CASTOR2: variants seen among roughly 807,000 people sequenced by gnomAD.
The protein encoded by CASTOR2 is GATS protein like 2.
In CASTOR2, 8 loss-of-function variants were observed where a neutral mutation model predicts 31.2. The observed-to-expected ratio is 0.26, with a 90% CI of 0.15 to 0.46. The LOEUF (loss-of-function observed/expected upper bound fraction) is 0.46. CASTOR2 is among the 20% of genes least tolerant of loss of function. The pLI, the probability that CASTOR2 is intolerant of heterozygous loss-of-function variation, is 0.99. For missense variants in CASTOR2, 216 were observed against 382.1 expected, an observed-to-expected ratio of 0.57 and a Z score of 3.62; for synonymous variants, 162 against 158.7, an observed-to-expected ratio of 1.02 and a Z score of -0.16.
intron 1 of CASTOR2, among the ~76,000 whole-genome samples, chr7:74,986,998 A>G: frequency 6.6e-6 from 1 of 152,200 alleles, no homozygotes; most frequent in East Asian, 1.9e-4. Flanking sequence ...TGAGGCTGGC[A>G]GTGCACTCCA....
chr7:75,020,531 C>T (rs1284892326), intron 6 of CASTOR2, among the ~76,000 whole-genome samples: 2 of 151,388 alleles, frequency 1.3e-5, no homozygotes, highest in African/African-American at 4.9e-5. Flanking sequence ...CGCTCTGTCG[C>T]CCAGGCTGGA....
chr7:74,983,686 T>C (rs1473573594), intron 1 of CASTOR2, among the ~76,000 whole-genome samples: 1 of 151,350 alleles, frequency 6.6e-6, no homozygotes, highest in Non-Finnish European at 1.5e-5. Context: ...GTGATTCCCA[T>C]GGCACCATGG....
Position 75,024,774 on chromosome 7 carries a change from T to C in CASTOR2, c.*75T>C. On this transcript the variant is annotated 3_prime_UTR_variant, in exon 9 of 9. Coordinates refer to ENST00000616305, the MANE Select transcript of CASTOR2 (RefSeq NM_001145064.3). ...CTGAAGATTGATCTTGCAGTATTTC[T>C]CTACAGACTGGAAAATCAGCCTGGG... is the stretch of plus-strand genomic sequence containing the variant. 6.4e-7 allele frequency: 1 copy of C among 1,551,272 alleles called. No homozygotes were observed. The highest frequency in any genetic ancestry group is 8.7e-7 in the Non-Finnish European group (1 of 1,146,822).
Position 75,024,077 on chromosome 7 carries a change from C to T in CASTOR2, c.830-363C>T, listed in dbSNP as rs972612677. ...TGGAGGTGGGTGGATCATTTGAGTA[C>T]AGCAGTTCGATACCAGCCTGGCCAA... On this transcript the variant is annotated intron_variant, in intron 7 of 8. Transcript: ENST00000616305. Among the ~76,000 whole-genome samples the T allele has an allele frequency of 2.6e-3, 389 of 152,202 alleles. 1 individual carries two copies. Among genetic ancestry groups the T allele is most frequent in the African/African-American group, 8.4e-3 (348 of 41,532 alleles).
At position 75,031,234 on chromosome 7, in the gene CASTOR2, G is replaced by A. The variant is rs1037682170; in HGVS notation, c.*6535G>A. Among the ~76,000 whole-genome samples, 60 of 152,188 alleles carry A rather than the reference G, an allele frequency of 3.9e-4. No homozygotes were observed. The highest frequency in any genetic ancestry group is 3.4e-3 in the Middle Eastern group (1 of 294). ...TGCCCTGCCCAGAGCCCCCACCATC[G>A]TAGTGGGGGCAGGGGACTTCCTGCC... is the stretch of plus-strand genomic sequence containing the variant. On this transcript the variant is annotated 3_prime_UTR_variant, in exon 9 of 9. Transcript: ENST00000616305.
chr7:75,028,133 T>C lies in CASTOR2; in HGVS notation c.*3434T>C. The C allele has an allele frequency of 6.9e-6, 10 of 1,447,264 alleles. No individual in the cohort carries two copies. Among genetic ancestry groups the C allele is most frequent in the Non-Finnish European group, 8.2e-6 (9 of 1,095,736 alleles). The allele number at this position is 1,447,264 out of a possible 1,614,324, so 89.7% of individuals were successfully genotyped here. A position where few individuals can be genotyped will look rare whatever the true frequency, so the allele number is the denominator to read the frequency against. ...GATGTGGAATTTTTTTTTTTTTTTT[T>C]TTGAGACGGAGTCTTGCTCTGTCGC... On this transcript the variant is annotated 3_prime_UTR_variant, in exon 9 of 9. Coordinates refer to ENST00000616305, the MANE Select transcript of CASTOR2 (RefSeq NM_001145064.3).
chr7:74,974,867 CT>C (rs1803764732), intron 1 of CASTOR2, among the ~76,000 whole-genome samples: 1 of 134,864 alleles, frequency 7.4e-6, no homozygotes, highest in African/African-American at 2.9e-5. Flanking sequence ...CGGCCTGAAT[CT>C]TTCTTGATCA....
chr7:74,983,654 G>C (rs1803997250), intron 1 of CASTOR2, among the ~76,000 whole-genome samples: 1 of 151,592 alleles, frequency 6.6e-6, no homozygotes, highest in East Asian at 1.9e-4. Context: ...GTGCTTGAGT[G>C]AGGCACACTT....
chr7:74,994,251 G>A (rs1208301929), intron 1 of CASTOR2, among the ~76,000 whole-genome samples: 7 of 152,260 alleles, frequency 4.6e-5, no homozygotes, highest in Non-Finnish European at 7.3e-5. Flanking sequence ...GGTGGTGGGG[G>A]GAACAATGGA....
intron 2 of CASTOR2, among the ~76,000 whole-genome samples, chr7:75,012,741 C>T (rs1172624450): frequency 4.6e-5 from 7 of 151,846 alleles, no homozygotes; most frequent in Non-Finnish European, 8.8e-5. Flanking sequence ...TGGGTTCAAG[C>T]GATTCTCCTG....
At chr7:75,017,890 T>C (rs1804902792) in intron 3 of CASTOR2, 99 bp downstream of exon 3, 1 of 1,613,442 alleles carries the variant, frequency 6.2e-7, no homozygotes, top group Non-Finnish European at 8.5e-7. Flanking sequence ...TTCCACGCTA[T>C]TCCAGGGTGG....
At chr7:75,010,794 C>CT (rs1473048970) in intron 2 of CASTOR2, among the ~76,000 whole-genome samples, 1 of 151,616 alleles carries the variant, frequency 6.6e-6, no homozygotes, top group African/African-American at 2.4e-5. Flanking sequence ...AACCAGGCTG[C>CT]TTAGAAATCT....
chr7:75,000,742 T>C (rs1804475894), intron 1 of CASTOR2, among the ~76,000 whole-genome samples: 1 of 151,766 alleles, frequency 6.6e-6, no homozygotes, highest in African/African-American at 2.4e-5. Context: ...AACTGCAGTC[T>C]CCACCTCCCC....
chr7:74,995,142 G>A (rs1804310290), intron 1 of CASTOR2, among the ~76,000 whole-genome samples: 1 of 152,122 alleles, frequency 6.6e-6, no homozygotes, highest in Admixed American at 6.6e-5. Flanking sequence ...TGAGGAGGTG[G>A]CCCAATGGCA....
At chr7:74,988,353 A>G (rs1258564373) in intron 1 of CASTOR2, among the ~76,000 whole-genome samples, 24 of 152,002 alleles carry the variant, frequency 1.6e-4, no homozygotes, top group Non-Finnish European at 2.2e-4. Context: ...GCTGGAGTGC[A>G]GTGGCGCGAT....
At chr7:75,009,492 TCTC>T (rs1475644590) in intron 2 of CASTOR2, among the ~76,000 whole-genome samples, 2 of 151,668 alleles carry the variant, frequency 1.3e-5, no homozygotes, top group Non-Finnish European at 2.9e-5. Flanking sequence ...ATGGTCTCGA[TCTC>T]CTGACCTCGT....
At chr7:74,983,000 A>ATTT (rs587752226) in intron 1 of CASTOR2, among the ~76,000 whole-genome samples, 3 of 18,268 alleles carry the variant, frequency 1.6e-4, no homozygotes, top group Admixed American at 8.8e-4. Flanking sequence ...AGTAAAACGC[A>ATTT]TTTTTTTTTT....
At chr7:74,974,483 A>G (rs1233177431) in intron 1 of CASTOR2, among the ~76,000 whole-genome samples, 4 of 150,356 alleles carry the variant, frequency 2.7e-5, no homozygotes, top group African/African-American at 4.9e-5. Flanking sequence ...GTCTGGGAGG[A>G]TGGAGGGACA....
At chr7:75,019,132 G>A in intron 5 of CASTOR2, 37 bp downstream of exon 5, 1 of 1,551,712 alleles carries the variant, frequency 6.4e-7, no homozygotes, top group Non-Finnish European at 8.7e-7. Flanking sequence ...TGCAGGGTGG[G>A]CCAGGGAGAG....
Sources: gnomAD v4.1 joint callset for allele counts (sites outside exome capture counted in the v4.1 genomes callset) on GRCh38, gnomAD v4.1.1 for gene constraint, MANE v1.5 for transcripts, NCBI Gene and HGNC (gene_info 2026-07-23, HGNC 2026-07-21) for gene names.